TMEM207: variants seen among roughly 807,000 people sequenced by gnomAD.
TMEM207 encodes transmembrane protein 207, also known as SRSR846.
A neutral mutation model predicts 17.4 loss-of-function variants in TMEM207; 15 were observed. The ratio of observed to expected loss-of-function variants is 0.86; its 90% CI spans 0.58 to 1.33. TMEM207 has a LOEUF of 1.33. Ranked by LOEUF, TMEM207 falls within the 40% of genes most tolerant of loss-of-function variation. The pLI, the probability that TMEM207 is intolerant of heterozygous loss-of-function variation, is 0.00. For missense variants in TMEM207, 205 were observed against 173.8 expected, an observed-to-expected ratio of 1.18 and a Z score of -1.01; for synonymous variants, 70 against 65.6, an observed-to-expected ratio of 1.07 and a Z score of -0.33.
chr3:190,439,563 C>T (rs1298792684), intron 4 of TMEM207, among the ~76,000 whole-genome samples: 1 of 152,162 alleles, frequency 6.6e-6, no homozygotes, highest in Non-Finnish European at 1.5e-5. Flanking sequence ...TATGGCTTCC[C>T]AGAAATCAGT....
intron 4 of TMEM207, among the ~76,000 whole-genome samples, chr3:190,438,155 G>A (rs558769636): frequency 2.4e-4 from 36 of 151,650 alleles, no homozygotes; most frequent in African/African-American, 8.5e-4. Flanking sequence ...AAAATGGCGA[G>A]TTAATGGGTG....
intron 3 of TMEM207, among the ~76,000 whole-genome samples, chr3:190,440,829 G>A (rs975412688): frequency 4.6e-5 from 7 of 152,200 alleles, no homozygotes; most frequent in African/African-American, 1.7e-4. Flanking sequence ...AGCACTTTGG[G>A]AGGCCGAGGC....
intron 4 of TMEM207, among the ~76,000 whole-genome samples, chr3:190,434,294 AG>A (rs1690815435): frequency 6.6e-6 from 1 of 152,118 alleles, no homozygotes; most frequent in Non-Finnish European, 1.5e-5. Flanking sequence ...GTGTTGTGGG[AG>A]GGATCTGATG....
intron 2 of TMEM207, among the ~76,000 whole-genome samples, chr3:190,442,873 A>G (rs1295795559): frequency 6.6e-6 from 1 of 152,202 alleles, no homozygotes; most frequent in African/African-American, 2.4e-5. Context: ...TACTTTGTAT[A>G]TATTATTTTC....
chr3:190,448,197 G>A (rs1187046919), intron 1 of TMEM207, among the ~76,000 whole-genome samples: 2 of 151,838 alleles, frequency 1.3e-5, no homozygotes, highest in Non-Finnish European at 2.9e-5. Context: ...CATTATTAGT[G>A]AGTATTATTT....
At chr3:190,430,307 T>C (rs539205365) in intron 4 of TMEM207, among the ~76,000 whole-genome samples, 8 of 152,164 alleles carry the variant, frequency 5.3e-5, no homozygotes, top group African/African-American at 1.9e-4. Flanking sequence ...ACTTCTAGAT[T>C]AGGCATAATA....
chr3:190,440,831 G>A (rs1719917705), intron 3 of TMEM207, among the ~76,000 whole-genome samples: 1 of 152,184 alleles, frequency 6.6e-6, no homozygotes, highest in Non-Finnish European at 1.5e-5. Context: ...CACTTTGGGA[G>A]GCCGAGGCGG....
chr3:190,437,399 A>G (rs1719827238), intron 4 of TMEM207, among the ~76,000 whole-genome samples: 1 of 152,218 alleles, frequency 6.6e-6, no homozygotes, highest in African/African-American at 2.4e-5. Context: ...TTTGAGAGTG[A>G]GAGAAGTACA....
rs1250575795 is a variant in TMEM207, at chr3:190,440,299, A to T, written c.249T>A (p.Asp83Glu). The change falls in exon 4 of 5, where the codon GAT becomes GAA. Residue 83 changes from aspartate (D) to glutamate (E), a missense_variant. Transcript: ENST00000354905. ...LQCWLRRPRIDSHRRTMAVFA... is the reference protein window; with the variant it reads ...LQCWLRRPRIESHRRTMAVFA... ...AAACTGCCATGGTGCGCCTGTGAGA[A>T]TCAATTCGGGGTCTCCTCAGCCAGC... is the stretch of plus-strand genomic sequence containing the variant. The T allele has an allele frequency of 6.2e-7, 1 of 1,614,176 alleles. No individual in the cohort carries two copies. The highest frequency in any genetic ancestry group is 1.1e-5 in the South Asian group (1 of 91,074).
intron 4 of TMEM207, among the ~76,000 whole-genome samples, chr3:190,434,925 A>C (rs1354633249): frequency 6.6e-6 from 1 of 152,208 alleles, no homozygotes; most frequent in Admixed American, 6.5e-5. Context: ...AAAAAGAAGA[A>C]TTTAGAATCT....
intron 2 of TMEM207, among the ~76,000 whole-genome samples, chr3:190,447,372 C>G (rs962572781): frequency 6.6e-6 from 1 of 152,132 alleles, no homozygotes; most frequent in Non-Finnish European, 1.5e-5. Flanking sequence ...AATAGACACA[C>G]AGTACAGGTT....
chr3:190,446,077 G>A (rs922401990), intron 2 of TMEM207, among the ~76,000 whole-genome samples: 2 of 152,028 alleles, frequency 1.3e-5, no homozygotes, highest in Non-Finnish European at 2.9e-5. Context: ...GTCCTTTTGT[G>A]TTTCTCATTT....
At position 190,449,775 on chromosome 3, in the gene TMEM207, G is replaced by A. The variant is rs141346662; in HGVS notation, c.35C>T (p.Ala12Val). The A allele has an allele frequency of 1.1e-4, 171 of 1,613,792 alleles. No homozygotes were observed. Among genetic ancestry groups the A allele is most frequent in the African/African-American group, 3.7e-4 (28 of 75,012 alleles). ...SRSRLFSVTS[A>V]ISTIGILCLP... ...ACACAAGATCCCTATCGTTGAGATC[G>A]CTGAGGTGACACTGAAAAGTCTGGA... The change falls in exon 1 of 5, where the codon GCG (alanine) becomes GTG (valine). Residue 12 changes from alanine to valine, a missense_variant. Physicochemically the swap from Ala to Val is moderately conservative, Grantham distance 64. Transcript: ENST00000354905.
intron 4 of TMEM207, among the ~76,000 whole-genome samples, chr3:190,438,569 T>C (rs1450101160): frequency 6.6e-6 from 1 of 152,222 alleles, no homozygotes; most frequent in Non-Finnish European, 1.5e-5. Flanking sequence ...CTTAATAATA[T>C]ACTTAAAATT....
intron 4 of TMEM207, among the ~76,000 whole-genome samples, chr3:190,436,723 G>A (rs1719809669): frequency 1.3e-5 from 2 of 152,208 alleles, no homozygotes; most frequent in Non-Finnish European, 1.5e-5. Context: ...TCTAGCATGG[G>A]TCCAGGTTTC....
chr3:190,429,418 A>T lies in TMEM207; in HGVS notation c.*177T>A. ...TCAAAAGCCTGCTACTTTACTATTT[A>T]AACATCTCCATGACCAAAATTTTTT... is the stretch of plus-strand genomic sequence containing the variant. On this transcript the variant is annotated 3_prime_UTR_variant, in exon 5 of 5. Transcript: ENST00000354905. 1 of 734,788 alleles carries T rather than the reference A, an allele frequency of 1.4e-6. No individual in the cohort carries two copies. The highest frequency in any genetic ancestry group is 2.1e-6 in the Non-Finnish European group (1 of 466,110). The allele number at this position is 734,788 out of a possible 1,614,324, so 45.5% of individuals were successfully genotyped here.
At chr3:190,448,910 G>A (rs1474984824) in intron 1 of TMEM207, among the ~76,000 whole-genome samples, 1 of 152,156 alleles carries the variant, frequency 6.6e-6, no homozygotes, top group Non-Finnish European at 1.5e-5. Flanking sequence ...CACAGAAAAT[G>A]AGTTGCATTC....
intron 4 of TMEM207, among the ~76,000 whole-genome samples, chr3:190,433,519 A>G (rs1357144427): frequency 6.6e-6 from 1 of 152,216 alleles, no homozygotes; most frequent in African/African-American, 2.4e-5. Flanking sequence ...GGATTTATGA[A>G]CTGCTGAGCG....
chr3:190,441,556 G>A, intron 2 of TMEM207, 74 bp from the exon 3 acceptor site: 1 of 1,216,194 alleles, frequency 8.2e-7, no homozygotes, highest in Non-Finnish European at 1.2e-6. Context: ...CAATAAAATT[G>A]GTACTGATCA....
Sources: allele counts gnomAD v4.1 joint callset (sites outside exome capture counted in the v4.1 genomes callset), GRCh38; gene constraint gnomAD v4.1.1; transcripts MANE v1.5; gene names NCBI Gene and HGNC (gene_info 2026-07-23, HGNC 2026-07-21).